The following SLC12A1 variants were observed in gnomAD, a reference collection of about 807,000 sequenced individuals.
The protein encoded by SLC12A1 is solute carrier family 12 member 1.
SLC12A1 carries 89 observed loss-of-function variants against 130.4 expected under a neutral mutation model. That is an observed-to-expected ratio of 0.68 (90% CI 0.58 to 0.81). The LOEUF (loss-of-function observed/expected upper bound fraction) is 0.81. Among genes scored for constraint, SLC12A1 ranks in the 40% least tolerant of loss-of-function variants. SLC12A1 has a pLI of 0.00. For synonymous variants in SLC12A1, 499 were observed against 460.0 expected, an observed-to-expected ratio of 1.08 and a Z score of -1.09; for missense variants, 1,310 against 1,336.4, an observed-to-expected ratio of 0.98 and a Z score of 0.31.
At chr15:48,212,053 T>C (rs974436891) in intron 2 of SLC12A1, among the ~76,000 whole-genome samples, 5 of 152,180 alleles carry the variant, frequency 3.3e-5, no homozygotes, top group African/African-American at 1.2e-4. Flanking sequence ...CTTCTACTTA[T>C]CTTGCAAGAT....
intron 17 of SLC12A1, among the ~76,000 whole-genome samples, chr15:48,262,844 T>G (rs141925407): frequency 6.6e-6 from 1 of 152,296 alleles, no homozygotes; most frequent in East Asian, 1.9e-4. Context: ...CATAGCCAAG[T>G]TCAACAGGTT....
In SLC12A1 at chr15:48,284,871, T is replaced by C. The variant is rs191904431; in HGVS notation, c.2486-235T>C. ...GTTTCAAACTCCTGGGCTCAAACGA[T>C]ACACCCATCTTGGCTTCCCAAAGTG... On this transcript the variant is annotated intron_variant, in intron 20 of 26. Coordinates refer to ENST00000380993, the MANE Select transcript of SLC12A1 (RefSeq NM_000338.3). Among the ~76,000 whole-genome samples, 480 of 152,304 alleles carry C rather than the reference T, an allele frequency of 3.2e-3. 4 individuals carry two copies. Among genetic ancestry groups the C allele is most frequent in the African/African-American group, 0.011 (466 of 41,580 alleles).
intron 17 of SLC12A1, among the ~76,000 whole-genome samples, chr15:48,263,458 C>G (rs1208135078): frequency 6.6e-6 from 1 of 151,872 alleles, no homozygotes; most frequent in Non-Finnish European, 1.5e-5. Context: ...TTTTGAAACA[C>G]TAAAAAAATT....
chr15:48,266,084 A>G (rs1241864217), intron 17 of SLC12A1, among the ~76,000 whole-genome samples: 1 of 152,248 alleles, frequency 6.6e-6, no homozygotes, highest in Non-Finnish European at 1.5e-5. Flanking sequence ...GTTCAATAGC[A>G]GCATGGACAT....
At chr15:48,288,576 A>G (rs2042084956) in intron 23 of SLC12A1, 60 bp downstream of exon 23, 6 of 799,806 alleles carry the variant, frequency 7.5e-6, no homozygotes, top group South Asian at 4.7e-5. Flanking sequence ...TTAATGCTTT[A>G]ATTTTAATAA....
chr15:48,268,764 G>A (rs1194081295), intron 18 of SLC12A1, among the ~76,000 whole-genome samples: 11 of 152,120 alleles, frequency 7.2e-5, no homozygotes, highest in Admixed American at 6.6e-4. Context: ...TCAGTACCAA[G>A]TTAGTTTTCA....
intron 9 of SLC12A1, among the ~76,000 whole-genome samples, chr15:48,238,520 G>C (rs565558799): frequency 6.6e-6 from 1 of 152,178 alleles, no homozygotes; most frequent in Admixed American, 6.5e-5. Flanking sequence ...AAAGACAGTG[G>C]GGCCATGAAA....
intron 14 of SLC12A1, among the ~76,000 whole-genome samples, chr15:48,250,674 C>CACA (rs1555383559): frequency 1.1e-4 from 6 of 56,128 alleles, no homozygotes; most frequent in African/African-American, 3.7e-4. Flanking sequence ...AAAATGTCTG[C>CACA]CTCACACACA....
chr15:48,248,738 C>T (rs971153880), intron 13 of SLC12A1, among the ~76,000 whole-genome samples: 1 of 152,230 alleles, frequency 6.6e-6, no homozygotes, highest in Non-Finnish European at 1.5e-5. Context: ...CAGATATTTA[C>T]TCCTGAGGCA....
chr15:48,266,189 G>A (rs959189156), intron 17 of SLC12A1, among the ~76,000 whole-genome samples: 1 of 152,076 alleles, frequency 6.6e-6, no homozygotes, highest in Non-Finnish European at 1.5e-5. Context: ...GCAGACCCAG[G>A]GTGTCAGCCA....
At chr15:48,268,159 C>G (rs1225151059) in intron 18 of SLC12A1, among the ~76,000 whole-genome samples, 1 of 152,148 alleles carries the variant, frequency 6.6e-6, no homozygotes, top group Admixed American at 6.5e-5. Context: ...CATAAAATCT[C>G]CCTATCCTCC....
Position 48,247,518 on chromosome 15 carries a change from G to C in SLC12A1, c.1684+58G>C, listed in dbSNP as rs541463186. On this transcript the variant is annotated intron_variant, in intron 13 of 26. Transcript: ENST00000380993. ...CAAAGAATTCTTCTGATTATTCATA[G>C]GGCTTTCCTTTTAGTTTGAAAAATT... 19 of 1,328,288 alleles carry C rather than the reference G, an allele frequency of 1.4e-5. No homozygotes were observed. The African/African-American group carries it at 2.7e-4, about 19-fold the overall frequency. 82.3% of individuals were successfully genotyped at this position (1,328,288 alleles called of 1,614,324 possible).
At chr15:48,251,181 C>G (rs185500013) in intron 14 of SLC12A1, among the ~76,000 whole-genome samples, 52 of 152,102 alleles carry the variant, frequency 3.4e-4, no homozygotes, top group African/African-American at 1.2e-3. Flanking sequence ...TCCACCTTCT[C>G]CAAGGGAGCA....
chr15:48,250,676 T>TCACACACACACACACACACACACA lies in SLC12A1; in HGVS notation c.1787-931_1787-908dup, dbSNP rs56705329. Among the ~76,000 whole-genome samples, 862 of 145,986 alleles carry TCACACACACACACACACACACACA rather than the reference T, an allele frequency of 5.9e-3. 6 individuals carry two copies. Among genetic ancestry groups the TCACACACACACACACACACACACA allele is most frequent in the Middle Eastern group, 0.034 (10 of 292 alleles). ...TACACAAACCCAGAAAATGTCTGCC[T>TCACACACACACACACACACACACA]CACACACACACACACACACACACAC... On this transcript the variant is annotated intron_variant, in intron 14 of 26. Transcript: ENST00000380993.
intron 9 of SLC12A1, among the ~76,000 whole-genome samples, chr15:48,238,457 A>G (rs2041464540): frequency 6.6e-6 from 1 of 152,148 alleles, no homozygotes; most frequent in South Asian, 2.1e-4. Flanking sequence ...ATTAATGGTA[A>G]AAAGCAAGTC....
intron 2 of SLC12A1, among the ~76,000 whole-genome samples, chr15:48,213,132 A>C (rs2041075059): frequency 6.6e-6 from 1 of 152,228 alleles, no homozygotes; most frequent in Admixed American, 6.5e-5. Context: ...TCAAGAAACC[A>C]AGGTCACATG....
At chr15:48,289,475 T>C (rs2042097641) in intron 23 of SLC12A1, among the ~76,000 whole-genome samples, 1 of 128,044 alleles carries the variant, frequency 7.8e-6, no homozygotes, top group African/African-American at 3.8e-5. Flanking sequence ...TATAACAATG[T>C]ATAACAATGT....
At chr15:48,296,443 T>C (rs1462797311) in intron 24 of SLC12A1, among the ~76,000 whole-genome samples, 1 of 152,184 alleles carries the variant, frequency 6.6e-6, no homozygotes, top group Admixed American at 6.5e-5. Context: ...TTTTATTGTA[T>C]AGACTGAATT....
intron 7 of SLC12A1, among the ~76,000 whole-genome samples, 186 bp downstream of exon 7, chr15:48,230,689 G>A (rs2041364206): frequency 1.3e-5 from 2 of 152,216 alleles, no homozygotes; most frequent in Non-Finnish European, 2.9e-5. Context: ...ATGATTCAGG[G>A]CTCACGAGTC....
Sources: gnomAD v4.1 joint callset for allele counts (sites outside exome capture counted in the v4.1 genomes callset) on GRCh38, gnomAD v4.1.1 for gene constraint, MANE v1.5 for transcripts, NCBI Gene and HGNC (gene_info 2026-07-23, HGNC 2026-07-21) for gene names.